ERCC1: variants seen among roughly 807,000 people sequenced by gnomAD.
ERCC1 encodes the protein DNA excision repair protein ERCC-1.
Under a neutral mutation model 37.6 loss-of-function variants are expected in ERCC1, and 36 were observed. The ratio of observed to expected loss-of-function variants is 0.96; its 90% confidence interval spans 0.73 to 1.26. The LOEUF (loss-of-function observed/expected upper bound fraction) is 1.26. ERCC1 is among the 50% of genes most tolerant of loss of function. ERCC1 has a pLI of 0.00. For synonymous variants in ERCC1, 156 were observed against 162.1 expected (o/e 0.96, Z 0.28); for missense variants, 349 against 376.5 (o/e 0.93, Z 0.60).
At chr19:45,439,017 T>A (rs1343129917) in intron 1 of ERCC1, among the ~76,000 whole-genome samples, 1 of 151,606 alleles carries the variant, frequency 6.6e-6, no homozygotes, top group South Asian at 2.1e-4. Context: ...CCCAACCCCA[T>A]CTCTACTAAA....
intron 1 of ERCC1, 62 bp from the exon 2 acceptor site, chr19:45,423,443 G>A: frequency 6.5e-7 from 1 of 1,543,756 alleles, no homozygotes; most frequent in African/African-American, 1.5e-5. Flanking sequence ...TCCCGCAGCA[G>A]GAACCCCCCA....
Position 45,407,969 on chromosome 19 carries a change from G to C in ERCC1, c.*1706C>G. ...CTTGAGAGGCTGAGGCAGGAGAATC[G>C]CTTGAACCCAGGAGGTGGACATTGC... is the stretch of plus-strand genomic sequence containing the variant. On this transcript the variant is annotated 3_prime_UTR_variant, in exon 10 of 10. Coordinates refer to ENST00000300853, the MANE Select transcript of ERCC1 (RefSeq NM_001983.4). 1.1e-6 allele frequency: 1 copy of C among 882,360 alleles called. No homozygotes were observed. Among genetic ancestry groups the C allele is most frequent in the East Asian group, 2.7e-5 (1 of 36,598 alleles). 54.7% of individuals were successfully genotyped at this position (882,360 alleles called of 1,614,324 possible). A position where few individuals can be genotyped will look rare whatever the true frequency, so the allele number is the denominator to read the frequency against.
At chr19:45,411,636 A>G (rs1037365302) in intron 9 of ERCC1, among the ~76,000 whole-genome samples, 1 of 151,936 alleles carries the variant, frequency 6.6e-6, no homozygotes, top group African/African-American at 2.4e-5. Context: ...TCTACTAAAA[A>G]TACAAAAACT....
chr19:45,415,074 C>T (rs1478706050), intron 6 of ERCC1, 114 bp from the exon 7 acceptor site: 1 of 709,064 alleles, frequency 1.4e-6, no homozygotes, highest in African/African-American at 1.8e-5. Context: ...TGGCTCACGC[C>T]TGTAATCCCA....
chr19:45,443,549 G>A (rs1010057555), intron 1 of ERCC1, among the ~76,000 whole-genome samples: 2 of 152,148 alleles, frequency 1.3e-5, no homozygotes, highest in Non-Finnish European at 2.9e-5. Context: ...CCAGGATCCC[G>A]ACCCAGGCGT....
intron 1 of ERCC1, chr19:45,450,859 ACGACGCGGC>A (rs1967093802): frequency 7.0e-6 from 1 of 142,406 alleles, no homozygotes; most frequent in African/African-American, 2.5e-5. Flanking sequence ...ACGTCAACAA[ACGACGCGGC>A]CGCCGTCTCC....
At chr19:45,423,596 C>T (rs1330802692) in intron 1 of ERCC1, 185 bp downstream of exon 1, 2 of 1,401,718 alleles carry the variant, frequency 1.4e-6, no homozygotes, top group Admixed American at 5.9e-5. Flanking sequence ...AGTCCCATCG[C>T]TCCGCCCCTC....
intron 6 of ERCC1, among the ~76,000 whole-genome samples, chr19:45,416,003 C>T (rs577185009): frequency 8.5e-5 from 13 of 152,176 alleles, no homozygotes; most frequent in Admixed American, 6.6e-4. Flanking sequence ...GGTGTGGTGG[C>T]GCGTGCCTTT....
intron 1 of ERCC1, among the ~76,000 whole-genome samples, chr19:45,440,319 A>C (rs1975088452): frequency 4.8e-5 from 7 of 144,910 alleles, no homozygotes; most frequent in South Asian, 2.2e-4. Flanking sequence ...TCCCCTCTCC[A>C]CCCTCATCGC....
At chr19:45,445,460 C>A (rs1966913724) in intron 1 of ERCC1, among the ~76,000 whole-genome samples, 1 of 152,094 alleles carries the variant, frequency 6.6e-6, no homozygotes, top group Admixed American at 6.6e-5. Flanking sequence ...AATAAATGAA[C>A]AAATGAGCAA....
chr19:45,417,851 C>G (rs995634075), intron 5 of ERCC1, among the ~76,000 whole-genome samples: 1 of 152,024 alleles, frequency 6.6e-6, no homozygotes, highest in South Asian at 2.1e-4. Flanking sequence ...AGGTGCCCAC[C>G]ACCATATTTT....
chr19:45,408,879 G>C lies in ERCC1; in HGVS notation c.*796C>G, dbSNP rs1440061512. ...ACGGAAGGGATGGAGCCAGAGGAGG[G>C]GGTGACAGTTGAGTCTCAGCCACAG... On this transcript the variant is annotated 3_prime_UTR_variant, in exon 10 of 10. Transcript: ENST00000300853. 1 of 1,614,006 alleles carries C rather than the reference G, an allele frequency of 6.2e-7. No homozygotes were observed. Among genetic ancestry groups the C allele is most frequent in the African/African-American group, 1.3e-5 (1 of 74,920 alleles).
chr19:45,433,445 G>T (rs780013070), intron 1 of ERCC1, among the ~76,000 whole-genome samples: 10 of 152,122 alleles, frequency 6.6e-5, no homozygotes, highest in Non-Finnish European at 1.5e-4. Context: ...AGAATCGCTT[G>T]AACCTGGGAG....
intron 7 of ERCC1, 197 bp downstream of exon 7, chr19:45,414,664 T>G: frequency 1.8e-6 from 1 of 545,162 alleles, no homozygotes; most frequent in Non-Finnish European, 3.4e-6. Context: ...TGGGGAGCCA[T>G]GGGAGGATTT....
At chr19:45,438,464 GTTTA>G (rs772558925) in intron 1 of ERCC1, among the ~76,000 whole-genome samples, 22 of 151,610 alleles carry the variant, frequency 1.5e-4, no homozygotes, top group Middle Eastern at 3.4e-3. Context: ...TTGTTTGTTT[GTTTA>G]TTTATTTATT....
intron 1 of ERCC1, among the ~76,000 whole-genome samples, chr19:45,447,270 CTTTTTT>C (rs57063523): frequency 9.7e-6 from 1 of 102,736 alleles, no homozygotes; most frequent in African/African-American, 4.4e-5. Flanking sequence ...AGATTTGCTT[CTTTTTT>C]TTTTTTTTTT....
chr19:45,421,546 T>TG (rs755326580), intron 2 of ERCC1, among the ~76,000 whole-genome samples, 153 bp from the exon 3 acceptor site: 1 of 152,058 alleles, frequency 6.6e-6, no homozygotes, highest in Non-Finnish European at 1.5e-5. Flanking sequence ...CTTGGCTCAT[T>TG]GCAACCTCCA....
chr19:45,437,911 A>ATT (rs34041953), intron 1 of ERCC1, among the ~76,000 whole-genome samples: 44 of 143,136 alleles, frequency 3.1e-4, no homozygotes, highest in Admixed American at 4.9e-4. Context: ...TTCTCATCTG[A>ATT]TTTTTTTTTT....
At chr19:45,416,050 G>A (rs1163417613) in intron 6 of ERCC1, among the ~76,000 whole-genome samples, 1 of 152,130 alleles carries the variant, frequency 6.6e-6, no homozygotes, top group Non-Finnish European at 1.5e-5. Flanking sequence ...CAGGAGGACT[G>A]CCTGAGCCTG....
Sources: gnomAD v4.1 joint callset for allele counts (sites outside exome capture counted in the v4.1 genomes callset) on GRCh38, gnomAD v4.1.1 for gene constraint, MANE v1.5 for transcripts, NCBI Gene and HGNC (gene_info 2026-07-23, HGNC 2026-07-21) for gene names.